FCHSD2: variants seen among roughly 807,000 people sequenced by gnomAD.
FCHSD2 encodes FCH and double SH3 domains 2.
Under a neutral mutation model 108.1 loss-of-function variants are expected in FCHSD2, and 38 were observed. The ratio of observed to expected loss-of-function variants is 0.35; its 90% CI spans 0.27 to 0.46. The LOEUF is 0.46. Ranked by LOEUF, FCHSD2 falls within the 20% of genes least tolerant of loss-of-function variation. The probability of loss-of-function intolerance (pLI) is 1.00; values close to 1 mark genes in which losing one functional copy is unlikely to be tolerated. For missense variants in FCHSD2, 751 were observed against 897.8 expected, an observed-to-expected ratio of 0.84 and a Z score of 2.09; for synonymous variants, 279 against 314.7, an observed-to-expected ratio of 0.89 and a Z score of 1.20.
chr11:73,015,239 A>T (rs1857944348), intron 4 of FCHSD2, among the ~76,000 whole-genome samples: 1 of 152,204 alleles, frequency 6.6e-6, no homozygotes, highest in Non-Finnish European at 1.5e-5. Flanking sequence ...CCTTCATTAC[A>T]ATTCGTATGT....
At chr11:73,051,846 C>T (rs1858904475) in intron 3 of FCHSD2, among the ~76,000 whole-genome samples, 2 of 149,784 alleles carry the variant, frequency 1.3e-5, no homozygotes, top group Admixed American at 1.3e-4. Context: ...AATAGACCTT[C>T]AGGATGCTAA....
intron 1 of FCHSD2, among the ~76,000 whole-genome samples, chr11:73,140,890 C>T (rs1469034106): frequency 6.6e-6 from 1 of 152,138 alleles, no homozygotes; most frequent in Non-Finnish European, 1.5e-5. Flanking sequence ...TGGGACCACC[C>T]GGAGGGGTGG....
intron 3 of FCHSD2, among the ~76,000 whole-genome samples, chr11:73,064,493 G>C (rs1199823720): frequency 6.6e-6 from 1 of 152,020 alleles, no homozygotes; most frequent in African/African-American, 2.4e-5. Context: ...AAAAATCAAT[G>C]AATCCAGGAG....
chr11:72,957,945 T>TGAGGTCAGG, intron 8 of FCHSD2, among the ~76,000 whole-genome samples: 1 of 152,332 alleles, frequency 6.6e-6, no homozygotes, highest in East Asian at 1.9e-4. Flanking sequence ...AAACATAAAT[T>TGAGGTCAGG]ATTTTAAAAA....
chr11:73,056,747 T>C (rs1247968639), intron 3 of FCHSD2, among the ~76,000 whole-genome samples: 1 of 152,100 alleles, frequency 6.6e-6, no homozygotes, highest in East Asian at 1.9e-4. Context: ...ATGAGAGCCA[T>C]CAAATTCAGA....
chr11:72,879,939 A>G (rs888995519), intron 12 of FCHSD2, among the ~76,000 whole-genome samples: 3 of 148,832 alleles, frequency 2.0e-5, no homozygotes, highest in African/African-American at 7.4e-5. Context: ...GCGGAGCTTG[A>G]CGTGAGCCGA....
chr11:73,093,854 C>T (rs1240785038), intron 2 of FCHSD2, among the ~76,000 whole-genome samples: 1 of 152,104 alleles, frequency 6.6e-6, no homozygotes, highest in Non-Finnish European at 1.5e-5. Flanking sequence ...ATCTGCCCAC[C>T]TCGGCCTCCC....
intron 12 of FCHSD2, among the ~76,000 whole-genome samples, chr11:72,883,211 G>T (rs1181890952): frequency 6.6e-6 from 1 of 152,104 alleles, no homozygotes; most frequent in African/African-American, 2.4e-5. Flanking sequence ...ACAAAGAAAA[G>T]CTTGAACTAT....
intron 2 of FCHSD2, among the ~76,000 whole-genome samples, chr11:73,125,692 C>G (rs1408959697): frequency 6.6e-6 from 1 of 151,560 alleles, no homozygotes; most frequent in African/African-American, 2.4e-5. Flanking sequence ...ACAACAGAGA[C>G]CCTGTCTCAA....
chr11:73,022,732 C>A (rs1000670702), intron 3 of FCHSD2, among the ~76,000 whole-genome samples: 5 of 151,866 alleles, frequency 3.3e-5, no homozygotes, highest in Admixed American at 3.3e-4. Context: ...ATTAGAATAG[C>A]CAAAATTCAG....
intron 8 of FCHSD2, among the ~76,000 whole-genome samples, chr11:72,963,912 C>T (rs949597685): frequency 1.3e-4 from 20 of 152,154 alleles, no homozygotes; most frequent in Admixed American, 3.9e-4. Context: ...GATGACAACT[C>T]TGTGTCATGA....
intron 2 of FCHSD2, among the ~76,000 whole-genome samples, chr11:73,091,532 G>C (rs944796004): frequency 6.6e-6 from 1 of 152,082 alleles, no homozygotes; most frequent in African/African-American, 2.4e-5. Flanking sequence ...CTGGGCCACA[G>C]AGTGAGACTC....
chr11:73,065,247 T>C (rs759345409), intron 3 of FCHSD2, among the ~76,000 whole-genome samples: 20 of 151,690 alleles, frequency 1.3e-4, no homozygotes, highest in Non-Finnish European at 2.4e-4. Context: ...ACAGAATCAA[T>C]CACAAAAAAA....
chr11:73,134,740 T>A (rs935762738), intron 2 of FCHSD2, among the ~76,000 whole-genome samples: 1 of 152,246 alleles, frequency 6.6e-6, no homozygotes, highest in Admixed American at 6.5e-5. Flanking sequence ...CGTTAACGGT[T>A]TGAAAATAGT....
At chr11:72,861,922 A>ACGCC (rs1413242382) in intron 13 of FCHSD2, among the ~76,000 whole-genome samples, 19 of 104,868 alleles carry the variant, frequency 1.8e-4, no homozygotes, top group African/African-American at 7.2e-4. Flanking sequence ...CAAAAGCGAA[A>ACGCC]CGCCGTCTCA....
intron 6 of FCHSD2, 58 bp downstream of exon 6, chr11:72,988,906 T>G: frequency 6.9e-7 from 1 of 1,459,180 alleles, no homozygotes; most frequent in Non-Finnish European, 9.3e-7. Flanking sequence ...GAACAAACTA[T>G]TAGCAACAAT....
intron 9 of FCHSD2, among the ~76,000 whole-genome samples, chr11:72,903,369 A>C (rs1855566990): frequency 6.6e-6 from 1 of 152,040 alleles, no homozygotes; most frequent in Non-Finnish European, 1.5e-5. Flanking sequence ...GGCGCCCGCC[A>C]CTGCGCCCAG....
At chr11:73,135,457 G>A (rs1215282222) in intron 2 of FCHSD2, among the ~76,000 whole-genome samples, 2 of 151,806 alleles carry the variant, frequency 1.3e-5, no homozygotes, top group African/African-American at 4.8e-5. Context: ...TTAAATTCTG[G>A]GTCACTGCAA....
rs538585938 is a variant in FCHSD2 at position 72,863,866 on chromosome 11, C to G, written c.1308+3999G>C. Among the ~76,000 whole-genome samples the G allele has an allele frequency of 2.6e-5, 4 of 152,330 alleles. No individual in the cohort carries two copies. The East Asian group carries it at 7.7e-4, about 29-fold the overall frequency. On this transcript the variant is annotated intron_variant, in intron 13 of 19. Coordinates refer to ENST00000409418, the MANE Select transcript of FCHSD2 (RefSeq NM_014824.3). ...ATAAGGTTGTGGAACAACTGAAACA[C>G]TAGTACCCCGTTGATGTAATTGTAA...
Sources: allele counts gnomAD v4.1 joint callset (sites outside exome capture counted in the v4.1 genomes callset), GRCh38; gene constraint gnomAD v4.1.1; transcripts MANE v1.5; gene names NCBI Gene and HGNC (gene_info 2026-07-23, HGNC 2026-07-21).